TMEM120B: variants seen among roughly 807,000 people sequenced by gnomAD.
TMEM120B encodes the protein transmembrane protein 120B.
TMEM120B carries 31 observed loss-of-function variants against 55.5 expected under a neutral mutation model. The ratio of observed to expected loss-of-function variants is 0.56; its 90% confidence interval spans 0.42 to 0.75. The LOEUF (loss-of-function observed/expected upper bound fraction) is 0.75. TMEM120B is among the 30% of genes least tolerant of loss of function. The pLI is 0.00. For synonymous variants in TMEM120B, 203 were observed against 176.3 expected, an observed-to-expected ratio of 1.15 and a Z score of -1.20; for missense variants, 399 against 425.5, an observed-to-expected ratio of 0.94 and a Z score of 0.55.
chr12:121,771,611 G>T, intron 8 of TMEM120B, 62 bp downstream of exon 8: 1 of 1,512,706 alleles, frequency 6.6e-7, no homozygotes, highest in Non-Finnish European at 9.2e-7. Context: ...TTCACCAAGG[G>T]AGGGCCCCAG....
intron 1 of TMEM120B, among the ~76,000 whole-genome samples, chr12:121,721,628 C>T (rs1038917833): frequency 1.1e-4 from 17 of 151,478 alleles, no homozygotes; most frequent in African/African-American, 2.7e-4. Context: ...GGCACCACCA[C>T]GCCCAGCTAA....
chr12:121,757,752 G>A (rs958716352), intron 5 of TMEM120B, among the ~76,000 whole-genome samples: 3 of 152,038 alleles, frequency 2.0e-5, no homozygotes, highest in Admixed American at 6.6e-5. Flanking sequence ...TCCTGACCTC[G>A]TGATCCACCC....
intron 5 of TMEM120B, among the ~76,000 whole-genome samples, chr12:121,757,140 TGG>T (rs34691916): frequency 0.019 from 2,550 of 132,094 alleles, 98 homozygotes; most frequent in African/African-American, 0.074. Context: ...CCCTGGGCGG[TGG>T]GGGGGGGGGG....
rs190102759 is a variant in TMEM120B, at chr12:121,777,902, G to C, written c.*2180G>C. 2.0e-5 allele frequency: 3 copies of C among 152,208 alleles called. No individual in the cohort carries two copies. The highest frequency in any genetic ancestry group is 2.9e-5 in the Non-Finnish European group (2 of 68,050). The allele number at this position is 152,208 out of a possible 1,614,324, so 9.4% of individuals were successfully genotyped here. ...CTCCTTGGTTGATTCCCCAGGGTAC[G>C]GCAGGGCCTTGGGAACCTGGGTGGG... On this transcript the variant is annotated 3_prime_UTR_variant, in exon 12 of 12. Coordinates refer to ENST00000449592, the MANE Select transcript of TMEM120B (RefSeq NM_001080825.2).
At chr12:121,753,750 C>CA (rs1398842577) in intron 5 of TMEM120B, among the ~76,000 whole-genome samples, 5 of 151,862 alleles carry the variant, frequency 3.3e-5, no homozygotes, top group African/African-American at 1.2e-4. Context: ...GTTTTGAGAC[C>CA]AACTGGCTGT....
chr12:121,773,152 A>T (rs1874116925), intron 8 of TMEM120B, among the ~76,000 whole-genome samples: 1 of 152,232 alleles, frequency 6.6e-6, no homozygotes, highest in South Asian at 2.1e-4. Flanking sequence ...CTGCATGGAA[A>T]ATTCCAGAAG....
At chr12:121,739,787 C>G (rs1201053024) in intron 1 of TMEM120B, among the ~76,000 whole-genome samples, 6 of 150,176 alleles carry the variant, frequency 4.0e-5, no homozygotes, top group African/African-American at 1.2e-4. Context: ...CTTTTGACTC[C>G]TGCAACACTT....
chr12:121,754,218 C>T (rs529379505), intron 5 of TMEM120B, among the ~76,000 whole-genome samples: 34 of 152,342 alleles, frequency 2.2e-4, no homozygotes, highest in Admixed American at 9.2e-4. Context: ...AGGGCAAAGG[C>T]TGCACACATC....
intron 1 of TMEM120B, among the ~76,000 whole-genome samples, chr12:121,726,673 G>A (rs901716309): frequency 6.6e-6 from 1 of 151,816 alleles, no homozygotes; most frequent in African/African-American, 2.4e-5. Flanking sequence ...GGAAGGCCAA[G>A]GTAGGTGGAT....
chr12:121,760,978 C>T (rs1206851133), intron 5 of TMEM120B, among the ~76,000 whole-genome samples: 1 of 151,942 alleles, frequency 6.6e-6, no homozygotes, highest in Non-Finnish European at 1.5e-5. Flanking sequence ...TTAAGTCTCC[C>T]ATTCTTTTGT....
At chr12:121,758,589 A>C (rs1592942134) in intron 5 of TMEM120B, 1 of 981,658 alleles carries the variant, frequency 1.0e-6, no homozygotes, top group South Asian at 4.7e-5. Context: ...TGCTGTGGTC[A>C]CCATGGAGGA....
At position 121,752,361 on chromosome 12, in the gene TMEM120B, C is replaced by T. The variant is rs1179886393; in HGVS notation, c.461+138C>T. 7 of 678,930 alleles carry T rather than the reference C, an allele frequency of 1.0e-5. No individual in the cohort carries two copies. The East Asian group carries it at 1.6e-4, about 16-fold the overall frequency. 42.1% of individuals were successfully genotyped at this position (678,930 alleles called of 1,614,324 possible). A position where few individuals can be genotyped will look rare whatever the true frequency, so the allele number is the denominator to read the frequency against. On this transcript the variant is annotated intron_variant, in intron 5 of 11. Transcript: ENST00000449592. Reference sequence around the variant, plus strand: ...TGATGAGGTGTAGGGGAGAGAGGGGCCATTTCTCATGGGAAATGCCAGTCC... The same window carrying T: ...TGATGAGGTGTAGGGGAGAGAGGGGTCATTTCTCATGGGAAATGCCAGTCC...
At chr12:121,759,521 T>C (rs965505141) in intron 5 of TMEM120B, among the ~76,000 whole-genome samples, 8 of 150,224 alleles carry the variant, frequency 5.3e-5, no homozygotes, top group Non-Finnish European at 1.5e-5. Context: ...CTGTTGAAAA[T>C]ACAAAGATTA....
At chr12:121,754,050 G>T (rs959813289) in intron 5 of TMEM120B, among the ~76,000 whole-genome samples, 2 of 152,204 alleles carry the variant, frequency 1.3e-5, no homozygotes, top group Admixed American at 6.5e-5. Flanking sequence ...GGTCAAGTAC[G>T]GTTTGGGCAT....
chr12:121,735,264 CCAGCAG>C (rs1895086791), intron 1 of TMEM120B, among the ~76,000 whole-genome samples: 1 of 151,378 alleles, frequency 6.6e-6, no homozygotes, highest in Non-Finnish European at 1.5e-5. Context: ...CAGTGACAGA[CCAGCAG>C]CAGAAACTGC....
intron 1 of TMEM120B, among the ~76,000 whole-genome samples, chr12:121,713,312 T>G (rs1431573395): frequency 6.6e-6 from 1 of 152,072 alleles, no homozygotes; most frequent in African/African-American, 2.4e-5. Flanking sequence ...AGCCCCCACC[T>G]CTGCAGGGTC....
chr12:121,731,107 TTC>T (rs1483601889), intron 1 of TMEM120B, among the ~76,000 whole-genome samples: 1 of 152,104 alleles, frequency 6.6e-6, no homozygotes, highest in Non-Finnish European at 1.5e-5. Flanking sequence ...GGTTCATAGT[TTC>T]TGTTTGGCAT....
At position 121,750,398 on chromosome 12, in the gene TMEM120B, C is replaced by T. The variant is rs772360673; in HGVS notation, c.324C>T (p.Val108=). The change falls in exon 4 of 12, where the codon GTC becomes GTT. Residue 108 remains valine (V), a synonymous_variant. Transcript: ENST00000449592. ...CTTCCAGGCTCTACTTGAACCTGGT[C>T]CTCGGCAATGTGAACGTGACCCTCC... ...PKKNGLYLNL[V]LGNVNVTLLS... 1.9e-6 allele frequency: 3 copies of T among 1,612,522 alleles called. No homozygotes were observed. The highest frequency in any genetic ancestry group is 2.5e-6 in the Non-Finnish European group (3 of 1,179,168).
chr12:121,773,688 C>T (rs1258792090), intron 9 of TMEM120B, among the ~76,000 whole-genome samples, 175 bp downstream of exon 9: 1 of 152,158 alleles, frequency 6.6e-6, no homozygotes, highest in Non-Finnish European at 1.5e-5. Context: ...AGTGCCAGGC[C>T]AGCTGCATAC....
Sources: allele counts gnomAD v4.1 joint callset (sites outside exome capture counted in the v4.1 genomes callset), GRCh38; gene constraint gnomAD v4.1.1; transcripts MANE v1.5; gene names NCBI Gene and HGNC (gene_info 2026-07-23, HGNC 2026-07-21).